The following THSD7B variants were observed in gnomAD, a reference collection of about 807,000 sequenced individuals.
The protein encoded by THSD7B is thrombospondin type 1 domain containing 7B.
In THSD7B, 138 loss-of-function variants were observed where a neutral mutation model predicts 213.6. The observed-to-expected ratio is 0.65, with a 90% CI of 0.56 to 0.74. The LOEUF is 0.74. Among genes scored for constraint, THSD7B ranks in the 30% least tolerant of loss-of-function variants. THSD7B has a pLI of 0.00. For synonymous variants in THSD7B, 742 were observed against 687.0 expected (o/e 1.08, Z -1.25); for missense variants, 1,931 against 1,991.5 (o/e 0.97, Z 0.58).
At chr2:137,176,482 G>A (rs1680359165) in intron 7 of THSD7B, among the ~76,000 whole-genome samples, 1 of 152,138 alleles carries the variant, frequency 6.6e-6, no homozygotes, top group Admixed American at 6.5e-5. Context: ...TGGAAGAATC[G>A]AAGAATGGGA....
intron 2 of THSD7B, among the ~76,000 whole-genome samples, chr2:136,983,590 A>G (rs1252395191): frequency 6.6e-6 from 1 of 151,628 alleles, no homozygotes; most frequent in Non-Finnish European, 1.5e-5. Context: ...AATGACTGCT[A>G]TTTATACAAA....
At chr2:136,902,014 G>T (rs1266757731) in intron 2 of THSD7B, among the ~76,000 whole-genome samples, 1 of 152,206 alleles carries the variant, frequency 6.6e-6, no homozygotes, top group Non-Finnish European at 1.5e-5. Context: ...GTGGACAGAT[G>T]TAGAGTATAT....
intron 14 of THSD7B, among the ~76,000 whole-genome samples, chr2:137,444,234 T>C (rs1687480428): frequency 2.0e-5 from 3 of 152,184 alleles, no homozygotes; most frequent in African/African-American, 7.2e-5. Context: ...AGAAAATGTA[T>C]ACATTCACCA....
Position 137,657,170 on chromosome 2 carries a change from C to T in THSD7B, c.4375+10C>T, listed in dbSNP as rs1245048984. On this transcript the variant is annotated intron_variant, in intron 24 of 27. Coordinates refer to ENST00000409968, the MANE Select transcript of THSD7B (RefSeq NM_001316349.2). ...GGCGTTAATGTCACAGGTATTCCTGCCTAAGACTCATGTGGGCACTTCACA... is the reference window on the plus strand; with the variant it reads ...GGCGTTAATGTCACAGGTATTCCTGTCTAAGACTCATGTGGGCACTTCACA... 2 of 1,613,310 alleles carry T rather than the reference C, an allele frequency of 1.2e-6. No homozygotes were observed. The highest frequency in any genetic ancestry group is 8.5e-7 in the Non-Finnish European group (1 of 1,179,472).
chr2:137,253,352 A>AT (rs1682231234), intron 10 of THSD7B, among the ~76,000 whole-genome samples: 1 of 152,202 alleles, frequency 6.6e-6, no homozygotes, highest in Admixed American at 6.5e-5. Flanking sequence ...CTGAAATGCA[A>AT]TACTATGCTG....
At chr2:137,145,206 T>A (rs1679669639) in intron 5 of THSD7B, among the ~76,000 whole-genome samples, 1 of 152,062 alleles carries the variant, frequency 6.6e-6, no homozygotes, top group African/African-American at 2.4e-5. Flanking sequence ...AGATATAAAA[T>A]AACATAACTA....
chr2:137,321,598 C>T (rs76961285), intron 12 of THSD7B, among the ~76,000 whole-genome samples: 7,265 of 152,184 alleles, frequency 0.048, 206 homozygotes, highest in Non-Finnish European at 0.065. Flanking sequence ...CTGAATCAAC[C>T]AATCATAGGC....
At chr2:137,290,615 A>T (rs566603953) in intron 12 of THSD7B, among the ~76,000 whole-genome samples, 2 of 152,250 alleles carry the variant, frequency 1.3e-5, no homozygotes, top group South Asian at 4.2e-4. Context: ...AGCTCTTTAG[A>T]TAATCCCTAG....
chr2:137,441,791 G>A (rs546676688), intron 14 of THSD7B, among the ~76,000 whole-genome samples: 39 of 152,010 alleles, frequency 2.6e-4, no homozygotes, highest in East Asian at 1.7e-3. Flanking sequence ...TAATTTACAT[G>A]GAAATGAGCT....
intron 5 of THSD7B, among the ~76,000 whole-genome samples, chr2:137,154,345 CA>C (rs1475599955): frequency 2.0e-5 from 3 of 152,086 alleles, no homozygotes; most frequent in African/African-American, 7.2e-5. Flanking sequence ...TTACCTCAAA[CA>C]CTTTCTGAAT....
chr2:137,236,505 C>T (rs757446758), intron 9 of THSD7B, among the ~76,000 whole-genome samples: 2 of 152,158 alleles, frequency 1.3e-5, no homozygotes, highest in Non-Finnish European at 2.9e-5. Context: ...CTATTCAATG[C>T]TTTTCTTTCC....
At chr2:137,224,699 T>G (rs1681455869) in intron 7 of THSD7B, among the ~76,000 whole-genome samples, 1 of 152,020 alleles carries the variant, frequency 6.6e-6, no homozygotes, top group Admixed American at 6.6e-5. Context: ...TGAGATGGAG[T>G]CTCGCTCTGT....
intron 5 of THSD7B, among the ~76,000 whole-genome samples, chr2:137,132,988 T>A (rs913849711): frequency 6.6e-6 from 1 of 152,226 alleles, no homozygotes; most frequent in Non-Finnish European, 1.5e-5. Flanking sequence ...TCTGACATTT[T>A]TCTCATGGGT....
intron 12 of THSD7B, among the ~76,000 whole-genome samples, chr2:137,307,617 T>C (rs544303770): frequency 1.5e-4 from 23 of 152,220 alleles, no homozygotes; most frequent in African/African-American, 5.3e-4. Context: ...AATGTGTCCC[T>C]AAAAAAGCTT....
At chr2:136,966,055 C>A (rs978369702) in intron 2 of THSD7B, among the ~76,000 whole-genome samples, 5 of 152,092 alleles carry the variant, frequency 3.3e-5, no homozygotes, top group African/African-American at 1.2e-4. Flanking sequence ...TCTCATTATG[C>A]TCCCAGTGCT....
intron 2 of THSD7B, among the ~76,000 whole-genome samples, chr2:136,972,742 T>C (rs1440541039): frequency 6.6e-6 from 1 of 152,212 alleles, no homozygotes. Flanking sequence ...AGGATTAAAA[T>C]GGTGCTTCTC....
At chr2:136,770,199 G>C (rs1397204267) in intron 1 of THSD7B, among the ~76,000 whole-genome samples, 1 of 152,186 alleles carries the variant, frequency 6.6e-6, no homozygotes, top group African/African-American at 2.4e-5. Flanking sequence ...TTGTAGCAAT[G>C]CATATTTTAA....
chr2:137,397,418 T>A (rs2104989911), intron 12 of THSD7B, among the ~76,000 whole-genome samples: 1 of 152,210 alleles, frequency 6.6e-6, no homozygotes, highest in Non-Finnish European at 1.5e-5. Flanking sequence ...TCTCCTTCAC[T>A]TAGGAAGCTT....
intron 17 of THSD7B, among the ~76,000 whole-genome samples, chr2:137,584,042 G>C (rs1408796018): frequency 6.7e-6 from 1 of 150,298 alleles, no homozygotes. Flanking sequence ...TCTCCTTGAA[G>C]AGGTCCTTCA....
Sources: allele counts gnomAD v4.1 joint callset (sites outside exome capture counted in the v4.1 genomes callset), GRCh38; gene constraint gnomAD v4.1.1; transcripts MANE v1.5; gene names NCBI Gene and HGNC (gene_info 2026-07-23, HGNC 2026-07-21).